Variants in EYS observed in about 807,000 individuals in gnomAD.
EYS encodes protein eyes shut homolog.
In EYS, 250 loss-of-function variants were observed where a neutral mutation model predicts 282.1. The ratio of observed to expected loss-of-function variants is 0.89; its 90% CI spans 0.80 to 0.98. EYS has a LOEUF of 0.98. Among genes scored for constraint, EYS ranks in the 50% least tolerant of loss-of-function variants. The pLI, the probability that EYS is intolerant of heterozygous loss-of-function variation, is 0.00. For missense variants in EYS, 4,016 were observed against 3,709.0 expected, an observed-to-expected ratio of 1.08 and a Z score of -2.15; for synonymous variants, 1,355 against 1,282.9, an observed-to-expected ratio of 1.06 and a Z score of -1.20.
chr6:63,979,867 C>T (rs1356991858), intron 35 of EYS, among the ~76,000 whole-genome samples: 1 of 151,804 alleles, frequency 6.6e-6, no homozygotes, highest in Non-Finnish European at 1.5e-5. Flanking sequence ...GGACACTGTC[C>T]AGAAACGTGT....
At chr6:64,203,946 T>C in intron 31 of EYS, among the ~76,000 whole-genome samples, 1 of 152,188 alleles carries the variant, frequency 6.6e-6, no homozygotes, top group Non-Finnish European at 1.5e-5. Context: ...ATTACAACTA[T>C]CATTTCTTTC....
In EYS at chr6:64,617,440, C is replaced by T; in HGVS notation, c.3662G>A (p.Cys1221Tyr). The T allele has an allele frequency of 6.5e-7, 1 of 1,549,922 alleles. No homozygotes were observed. The highest frequency in any genetic ancestry group is 8.7e-7 in the Non-Finnish European group (1 of 1,145,576). ...LCMENEPGSTCLCTPGFMTCS... is the reference protein window; with the variant it reads ...LCMENEPGSTYLCTPGFMTCS... ...TACCATAAATCCAGGTGTGCATAAA[C>T]ATGTCGAGCCAGGTTCATTCTCCAT... Residue 1221 changes from cysteine (C) to tyrosine (Y), a missense_variant, in exon 24 of 43, where the codon TGT becomes TAT. By Grantham distance (194) the Cys-to-Tyr change is radical. Coordinates refer to ENST00000503581, the MANE Select transcript of EYS (RefSeq NM_001142800.2).
intron 35 of EYS, among the ~76,000 whole-genome samples, chr6:63,911,194 A>G (rs142165325): frequency 7.6e-4 from 116 of 151,988 alleles, no homozygotes; most frequent in African/African-American, 2.7e-3. Flanking sequence ...CCCACAAATC[A>G]GCTTTATCAG....
chr6:65,637,588 C>T (rs1353297409), intron 2 of EYS, among the ~76,000 whole-genome samples: 2 of 152,204 alleles, frequency 1.3e-5, no homozygotes. Flanking sequence ...CTCTTGGGGG[C>T]CCAGGAAGCT....
rs189390592 is a variant in EYS, at chr6:65,357,943, T to A, written c.1300-4326A>T. On this transcript the variant is annotated intron_variant, in intron 8 of 42. Transcript: ENST00000503581. ...ATTTGTATGACCAGATAGGTGTCTT[T>A]GTGGAATTCAGTTATTTTAATGTGA... Among the ~76,000 whole-genome samples the A allele has an allele frequency of 5.0e-4, 76 of 152,094 alleles. 1 individual carries two copies. Among genetic ancestry groups the A allele is most frequent in the Middle Eastern group, 6.8e-3 (2 of 294 alleles).
intron 28 of EYS, among the ~76,000 whole-genome samples, chr6:64,424,194 A>G (rs1219332281): frequency 1.3e-5 from 2 of 152,210 alleles, no homozygotes; most frequent in Non-Finnish European, 2.9e-5. Flanking sequence ...ACTCAGCTAA[A>G]TCAACCCCCG....
At chr6:64,803,316 C>A (rs992725887) in intron 22 of EYS, among the ~76,000 whole-genome samples, 12 of 151,308 alleles carry the variant, frequency 7.9e-5, no homozygotes, top group African/African-American at 2.9e-4. Context: ...TAGCTCCTTT[C>A]CACAGCTGGT....
chr6:65,122,780 T>A (rs988182582), intron 12 of EYS, among the ~76,000 whole-genome samples: 15 of 152,248 alleles, frequency 9.9e-5, no homozygotes, highest in African/African-American at 3.6e-4. Context: ...GAGTAAATCA[T>A]CTAAAATCTT....
chr6:63,758,090 TGAG>T (rs1009254000), intron 41 of EYS, among the ~76,000 whole-genome samples: 1 of 151,918 alleles, frequency 6.6e-6, no homozygotes, highest in African/African-American at 2.4e-5. Flanking sequence ...TTTGTAGAGA[TGAG>T]GATTTTGCTA....
At chr6:64,319,955 G>T (rs1232148417) in intron 29 of EYS, among the ~76,000 whole-genome samples, 1 of 151,912 alleles carries the variant, frequency 6.6e-6, no homozygotes, top group Non-Finnish European at 1.5e-5. Context: ...CACCTGAAGA[G>T]CTTCCTTTAA....
chr6:64,831,476 T>C (rs2150028343), intron 19 of EYS, among the ~76,000 whole-genome samples: 1 of 152,118 alleles, frequency 6.6e-6, no homozygotes, highest in African/African-American at 2.4e-5. Context: ...TTTTCCTGTC[T>C]ATAAATATCC....
At chr6:65,469,380 T>C (rs765963165) in intron 5 of EYS, among the ~76,000 whole-genome samples, 1 of 152,070 alleles carries the variant, frequency 6.6e-6, no homozygotes, top group Non-Finnish European at 1.5e-5. Context: ...TACTTTTGAA[T>C]CTTCATAAAA....
At chr6:64,752,157 T>C (rs1208910486) in intron 22 of EYS, among the ~76,000 whole-genome samples, 5 of 151,846 alleles carry the variant, frequency 3.3e-5, no homozygotes, top group East Asian at 1.9e-4. Context: ...CTAACCAAAA[T>C]TAAATTTTTG....
At chr6:64,416,023 C>T (rs923201662) in intron 28 of EYS, among the ~76,000 whole-genome samples, 3 of 152,156 alleles carry the variant, frequency 2.0e-5, no homozygotes, top group East Asian at 1.9e-4. Flanking sequence ...AGCAAAGCTG[C>T]TCGTGTGCTA....
intron 26 of EYS, among the ~76,000 whole-genome samples, chr6:64,493,148 T>A (rs1192316758): frequency 6.6e-6 from 1 of 151,490 alleles, no homozygotes; most frequent in African/African-American, 2.4e-5. Context: ...TTTTCATTTA[T>A]AATTTTTATT....
intron 19 of EYS, among the ~76,000 whole-genome samples, chr6:64,856,115 G>T (rs1766050706): frequency 6.6e-6 from 1 of 152,008 alleles, no homozygotes; most frequent in South Asian, 2.1e-4. Flanking sequence ...CAACTCATTT[G>T]GGTAAATACT....
intron 29 of EYS, among the ~76,000 whole-genome samples, chr6:64,359,732 A>G (rs1356436500): frequency 6.6e-6 from 1 of 151,610 alleles, no homozygotes; most frequent in Admixed American, 6.6e-5. Flanking sequence ...AAGGAGATAG[A>G]GATCTCTAGC....
At chr6:63,958,995 G>A (rs897058779) in intron 35 of EYS, among the ~76,000 whole-genome samples, 7 of 152,142 alleles carry the variant, frequency 4.6e-5, no homozygotes, top group Non-Finnish European at 1.0e-4. Flanking sequence ...CCATTCAGAA[G>A]CCTATGGGTC....
chr6:64,238,667 T>C (rs1024970816), intron 30 of EYS, among the ~76,000 whole-genome samples: 1 of 152,218 alleles, frequency 6.6e-6, no homozygotes, highest in African/African-American at 2.4e-5. Context: ...TGGCTGTTTA[T>C]GTTCCATCCT....
Sources: gnomAD v4.1 joint callset for allele counts (sites outside exome capture counted in the v4.1 genomes callset) on GRCh38, gnomAD v4.1.1 for gene constraint, MANE v1.5 for transcripts, NCBI Gene and HGNC (gene_info 2026-07-23, HGNC 2026-07-21) for gene names.